The following CREB5 variants were observed in gnomAD, a reference collection of about 807,000 sequenced individuals.
CREB5 encodes the protein cAMP responsive element binding protein 5.
Under a neutral mutation model 57.1 loss-of-function variants are expected in CREB5, and 19 were observed. The observed-to-expected ratio is 0.33, with a 90% CI of 0.23 to 0.49. The LOEUF (loss-of-function observed/expected upper bound fraction) is 0.49. CREB5 is among the 20% of genes least tolerant of loss of function. The pLI, the probability that CREB5 is intolerant of heterozygous loss-of-function variation, is 0.99. For missense variants in CREB5, 579 were observed against 671.6 expected (o/e 0.86, Z 1.52); for synonymous variants, 238 against 238.3 (o/e 1.00, Z 0.01).
Position 28,421,806 on chromosome 7 carries a change from AC to A in CREB5, c.3+8891del, listed in dbSNP as rs1161694641. On this transcript the variant is annotated intron_variant, in intron 1 of 10. Transcript: ENST00000357727. ...ATACCATATATATATATATACACAC[AC>A]CATATATATAGTGTGCATATATATA... Among the ~76,000 whole-genome samples the A allele has an allele frequency of 9.5e-5, 14 of 148,074 alleles. No individual in the cohort carries two copies. The Admixed American group carries it at 9.5e-4, about 10-fold the overall frequency.
intron 3 of CREB5, 65 bp from the exon 4 acceptor site, chr7:28,507,551 C>A: frequency 6.5e-7 from 1 of 1,544,534 alleles, no homozygotes; most frequent in Admixed American, 1.8e-5. Flanking sequence ...GTGAATCTAG[C>A]TCATGCTTGC....
intron 1 of CREB5, among the ~76,000 whole-genome samples, chr7:28,466,898 T>C (rs6978323): frequency 0.45 from 68,284 of 152,028 alleles, 15,783 homozygotes; most frequent in East Asian, 0.67. Flanking sequence ...AAGGTCCCCA[T>C]AGAAACAGAT....
At chr7:28,534,945 C>T (rs1430021610) in intron 4 of CREB5, among the ~76,000 whole-genome samples, 1 of 141,222 alleles carries the variant, frequency 7.1e-6, no homozygotes, top group Non-Finnish European at 1.6e-5. Context: ...GCCCTGATGT[C>T]CCGTATCACC....
intron 1 of CREB5, among the ~76,000 whole-genome samples, chr7:28,389,093 A>G (rs1420661066): frequency 1.3e-5 from 2 of 152,238 alleles, no homozygotes; most frequent in African/African-American, 4.8e-5. Flanking sequence ...GGCATAGTTT[A>G]TCAACAGCGT....
At chr7:28,611,581 A>T (rs1797387559) in intron 5 of CREB5, among the ~76,000 whole-genome samples, 1 of 149,874 alleles carries the variant, frequency 6.7e-6, no homozygotes, top group Non-Finnish European at 1.5e-5. Flanking sequence ...AAGCTGAGGT[A>T]TGAGAATCGC....
intron 5 of CREB5, among the ~76,000 whole-genome samples, chr7:28,659,364 A>C (rs183646387): frequency 6.6e-6 from 1 of 152,292 alleles, no homozygotes; most frequent in African/African-American, 2.4e-5. Flanking sequence ...GAGGCAACAA[A>C]GCATTTTTTC....
intron 7 of CREB5, among the ~76,000 whole-genome samples, chr7:28,736,331 G>A (rs575108483): frequency 3.2e-4 from 48 of 151,938 alleles, no homozygotes; most frequent in African/African-American, 1.1e-3. Context: ...CACCACGCCC[G>A]GCTAATTTTG....
intron 1 of CREB5, among the ~76,000 whole-genome samples, chr7:28,440,319 T>C (rs573142928): frequency 1.3e-5 from 2 of 152,314 alleles, no homozygotes; most frequent in African/African-American, 4.8e-5. Context: ...TGACGAGTTA[T>C]AGAAAAATGG....
chr7:28,715,048 G>A (rs370251042), intron 5 of CREB5, among the ~76,000 whole-genome samples: 200 of 152,244 alleles, frequency 1.3e-3, no homozygotes, highest in African/African-American at 4.5e-3. Flanking sequence ...GGGAAGTTTT[G>A]TTTTGTTTTG....
Position 28,507,622 on chromosome 7 carries a change from C to T in CREB5, c.176C>T (p.Thr59Ile). The change falls in exon 4 of 11, where the codon ACT becomes ATT. Residue 59 changes from threonine (T) to isoleucine (I), a missense_variant. Thr to Ile is a moderately conservative substitution (Grantham distance 89). This residue lies in a region of CREB5 where 459 missense variants were observed against 515.7 expected (regional missense o/e 0.89). Coordinates refer to ENST00000357727, the MANE Select transcript of CREB5 (RefSeq NM_182898.4). ...TCTCCGACTCTGTTTTCAGATCAAA[C>T]TCCGACCCCAACGAGATTCCTGAAG... ...IKTDNMLSDQ[T>I]PTPTRFLKNC... 6.2e-7 allele frequency: 1 copy of T among 1,610,258 alleles called. No individual in the cohort carries two copies.
chr7:28,548,070 T>C (rs2128631776), intron 4 of CREB5, among the ~76,000 whole-genome samples: 1 of 152,340 alleles, frequency 6.6e-6, no homozygotes, highest in African/African-American at 2.4e-5. Flanking sequence ...TAGTTCTTGA[T>C]TGGAATTTTA....
chr7:28,819,029 TTC>T (rs1379311418), intron 10 of CREB5, 85 bp from the exon 11 acceptor site: 2 of 1,398,008 alleles, frequency 1.4e-6, no homozygotes, highest in African/African-American at 2.9e-5. Context: ...CTAGTACAGT[TTC>T]TCTGAGGAGT....
At position 28,345,240 on chromosome 7, in the gene CREB5, A is replaced by C. The variant is rs1786027107; in HGVS notation, c.-25+45799A>C. Among the ~76,000 whole-genome samples, 3 of 151,068 alleles carry C rather than the reference A, an allele frequency of 2.0e-5. No homozygotes were observed. In the South Asian group the frequency reaches 6.3e-4, roughly 32 times the overall value. Reference sequence around the variant, plus strand: ...CTCTAGTGTACATGGAATATTCTCCAGGATAAACCATATGGTGGCCCACAA... The same window carrying C: ...CTCTAGTGTACATGGAATATTCTCCCGGATAAACCATATGGTGGCCCACAA... On this transcript the variant is annotated intron_variant, in intron 1 of 9. Coordinates refer to the CREB5 transcript ENST00000396299.
At chr7:28,446,730 T>C (rs1048566526) in intron 1 of CREB5, among the ~76,000 whole-genome samples, 3 of 152,216 alleles carry the variant, frequency 2.0e-5, no homozygotes, top group African/African-American at 4.8e-5. Context: ...AGGTGGAGAT[T>C]GCAGTGAGCC....
intron 5 of CREB5, among the ~76,000 whole-genome samples, chr7:28,636,001 T>C (rs906069156): frequency 6.6e-6 from 1 of 152,236 alleles, no homozygotes; most frequent in Non-Finnish European, 1.5e-5. Flanking sequence ...ATAAAACCAA[T>C]AAATAGTTAT....
intron 5 of CREB5, among the ~76,000 whole-genome samples, chr7:28,682,744 A>G (rs773393185): frequency 6.6e-6 from 1 of 150,880 alleles, no homozygotes; most frequent in Non-Finnish European, 1.5e-5. Flanking sequence ...CATATTTGCT[A>G]TGTTTCTCAT....
intron 5 of CREB5, among the ~76,000 whole-genome samples, chr7:28,683,683 T>C (rs1348724849): frequency 1.3e-5 from 2 of 152,174 alleles, no homozygotes; most frequent in East Asian, 3.8e-4. Flanking sequence ...TCATCTGAGA[T>C]CCGTGCCCGG....
chr7:28,520,396 T>C (rs1793154927), intron 4 of CREB5, among the ~76,000 whole-genome samples: 1 of 152,166 alleles, frequency 6.6e-6, no homozygotes, highest in South Asian at 2.1e-4. Flanking sequence ...CAAACAAGAA[T>C]TACTCATATT....
chr7:28,736,412 G>A (rs1349324317), intron 7 of CREB5, among the ~76,000 whole-genome samples: 1 of 151,708 alleles, frequency 6.6e-6, no homozygotes, highest in Admixed American at 6.6e-5. Flanking sequence ...CAGGTGATCC[G>A]CCTGCCTCAG....
Sources: allele counts gnomAD v4.1 joint callset (sites outside exome capture counted in the v4.1 genomes callset), GRCh38; gene constraint gnomAD v4.1.1; regional missense constraint gnomAD v4.1.1; transcripts MANE v1.5; gene names NCBI Gene and HGNC (gene_info 2026-07-23, HGNC 2026-07-21).